Variants in ANKS1B observed in about 807,000 individuals in gnomAD.
The protein encoded by ANKS1B is ankyrin repeat and sterile alpha motif domain containing 1B.
ANKS1B carries 36 observed loss-of-function variants against 148.3 expected under a neutral mutation model. That is an observed-to-expected ratio of 0.24 (90% CI 0.19 to 0.32). The LOEUF is 0.32. Among genes scored for constraint, ANKS1B ranks in the 10% least tolerant of loss-of-function variants. ANKS1B has a pLI of 1.00. For synonymous variants in ANKS1B, 542 were observed against 560.8 expected, an observed-to-expected ratio of 0.97 and a Z score of 0.47; for missense variants, 1,157 against 1,542.6, an observed-to-expected ratio of 0.75 and a Z score of 4.19.
intron 15 of ANKS1B, among the ~76,000 whole-genome samples, chr12:99,101,711 G>A (rs2057984151): frequency 6.6e-6 from 1 of 152,142 alleles, no homozygotes; most frequent in Non-Finnish European, 1.5e-5. Flanking sequence ...ATGGATGTGA[G>A]CCACCATGCC....
At chr12:99,184,017 T>A (rs1348210341) in intron 14 of ANKS1B, among the ~76,000 whole-genome samples, 1 of 152,168 alleles carries the variant, frequency 6.6e-6, no homozygotes, top group Admixed American at 6.6e-5. Flanking sequence ...AAAAAAGACA[T>A]AGTCTTGAAG....
Position 98,738,532 on chromosome 12 carries a change from A to C in ANKS1B, c.691-2898T>G, listed in dbSNP as rs149765331. On this transcript the variant is annotated intron_variant, in intron 9 of 9. Coordinates refer to the ANKS1B transcript ENST00000341752. ...CGCCGCTCCACTCGAGGCACTGCCC[A>C]ACTCTCATTTATCTTCACAGAAGTT... Among the ~76,000 whole-genome samples, 609 of 152,326 alleles carry C rather than the reference A, an allele frequency of 4.0e-3. 6 individuals are homozygous for C. The highest frequency in any genetic ancestry group is 0.013 in the African/African-American group (552 of 41,564).
chr12:99,775,138 A>G lies in ANKS1B; in HGVS notation c.961+410T>C, dbSNP rs1056901540. ...TACCTGAAACTTGCTAAGAGAGTTG[A>G]TCTTAAGTGTTCTCTCCAAAATAAA... is the stretch of plus-strand genomic sequence containing the variant. On this transcript the variant is annotated intron_variant, in intron 7 of 26. Coordinates refer to ENST00000683438, the MANE Select transcript of ANKS1B (RefSeq NM_001352186.2). Among the ~76,000 whole-genome samples, 36 of 152,114 alleles carry G rather than the reference A, an allele frequency of 2.4e-4. 1 individual carries two copies.
chr12:98,756,727 CTT>C (rs1197713336), intron 25 of ANKS1B, among the ~76,000 whole-genome samples: 24 of 127,370 alleles, frequency 1.9e-4, no homozygotes, highest in South Asian at 2.6e-4. Flanking sequence ...CTCCATCTAT[CTT>C]TTTTTTTTTT....
At chr12:99,296,182 C>T (rs1246519351) in intron 12 of ANKS1B, among the ~76,000 whole-genome samples, 1 of 152,044 alleles carries the variant, frequency 6.6e-6, no homozygotes, top group Non-Finnish European at 1.5e-5. Flanking sequence ...TATTTTGTTT[C>T]ATTGATCTAT....
At chr12:98,742,028 G>C (rs1040831220), downstream of ANKS1B, among the ~76,000 whole-genome samples, 1 of 152,136 alleles carries the variant, frequency 6.6e-6, no homozygotes, top group Non-Finnish European at 1.5e-5. Flanking sequence ...AGCTGACTTT[G>C]GTTGTAAAAT....
intron 4 of ANKS1B, among the ~76,000 whole-genome samples, chr12:99,782,722 C>T (rs570843483): frequency 1.3e-5 from 2 of 152,278 alleles, no homozygotes; most frequent in East Asian, 1.9e-4. Flanking sequence ...TTATTAAACA[C>T]CAATTATAGG....
chr12:99,093,273 T>C (rs1378693901), intron 15 of ANKS1B: 1 of 152,248 alleles, frequency 6.6e-6, no homozygotes, highest in Non-Finnish European at 1.5e-5. Context: ...CCTTAGTGTA[T>C]TCCAGAACCA....
intron 12 of ANKS1B, among the ~76,000 whole-genome samples, chr12:99,331,865 C>G (rs927654173): frequency 6.6e-6 from 1 of 151,938 alleles, no homozygotes; most frequent in African/African-American, 2.4e-5. Flanking sequence ...AAAAATCACA[C>G]AGACTGAATC....
intron 17 of ANKS1B, among the ~76,000 whole-genome samples, chr12:98,942,025 A>AAGGTCAAG (rs2099837589): frequency 6.6e-6 from 1 of 152,078 alleles, no homozygotes; most frequent in Non-Finnish European, 1.5e-5. Flanking sequence ...GGTAGATTGC[A>AAGGTCAAG]AGGTCAAGAG....
At chr12:99,120,077 G>A (rs2062374759) in intron 15 of ANKS1B, among the ~76,000 whole-genome samples, 2 of 152,220 alleles carry the variant, frequency 1.3e-5, no homozygotes, top group Admixed American at 1.3e-4. Flanking sequence ...GGCACCAGGT[G>A]GGAACGCACC....
intron 8 of ANKS1B, among the ~76,000 whole-genome samples, chr12:99,716,253 CTCT>C (rs965969598): frequency 1.3e-5 from 2 of 151,796 alleles, no homozygotes; most frequent in Non-Finnish European, 2.9e-5. Flanking sequence ...ATGCCCTGAC[CTCT>C]TATCTCTGCG....
intron 1 of ANKS1B, among the ~76,000 whole-genome samples, chr12:99,827,062 T>C (rs2083291022): frequency 6.6e-6 from 1 of 151,760 alleles, no homozygotes; most frequent in Non-Finnish European, 1.5e-5. Context: ...GAGGCTGCAG[T>C]GAACCATAAT....
chr12:99,637,855 A>G (rs1179436293), intron 9 of ANKS1B, among the ~76,000 whole-genome samples: 2 of 150,132 alleles, frequency 1.3e-5, no homozygotes, highest in African/African-American at 4.9e-5. Context: ...GGAGAGAGAG[A>G]GAGAGACATA....
chr12:99,544,372 T>G (rs1365234367), intron 9 of ANKS1B, among the ~76,000 whole-genome samples: 5 of 152,192 alleles, frequency 3.3e-5, no homozygotes, highest in Non-Finnish European at 4.4e-5. Flanking sequence ...GGAGCAGGTT[T>G]GAAGTCTGAC....
intron 1 of ANKS1B, among the ~76,000 whole-genome samples, chr12:99,923,431 G>A (rs2094412125): frequency 6.6e-6 from 1 of 152,128 alleles, no homozygotes; most frequent in Non-Finnish European, 1.5e-5. Context: ...TAGATGTTTT[G>A]GATGCCAGGC....
intron 9 of ANKS1B, among the ~76,000 whole-genome samples, chr12:99,509,532 T>G (rs1013645695): frequency 6.6e-6 from 1 of 151,874 alleles, no homozygotes; most frequent in Non-Finnish European, 1.5e-5. Flanking sequence ...CAAATCCTAA[T>G]CCAGAGCAAG....
intron 9 of ANKS1B, among the ~76,000 whole-genome samples, chr12:99,526,773 T>C (rs1158103666): frequency 2.0e-5 from 3 of 152,206 alleles, no homozygotes; most frequent in Non-Finnish European, 4.4e-5. Flanking sequence ...TTGGGTATGA[T>C]ATGGGTTAAA....
chr12:99,290,918 C>G (rs2079874469), intron 12 of ANKS1B, among the ~76,000 whole-genome samples: 1 of 151,902 alleles, frequency 6.6e-6, no homozygotes, highest in South Asian at 2.1e-4. Flanking sequence ...ACTGGAAGTC[C>G]TAGTAGAGTA....
Sources: allele counts gnomAD v4.1 joint callset (sites outside exome capture counted in the v4.1 genomes callset), GRCh38; gene constraint gnomAD v4.1.1; transcripts MANE v1.5; gene names NCBI Gene and HGNC (gene_info 2026-07-23, HGNC 2026-07-21).